The following HS2ST1 variants were observed in gnomAD, a reference collection of about 807,000 sequenced individuals.
HS2ST1 encodes the protein heparan sulfate 2-O-sulfotransferase 1.
Under a neutral mutation model 42.9 loss-of-function variants are expected in HS2ST1, and 18 were observed. The ratio of observed to expected loss-of-function variants is 0.42; its 90% CI spans 0.29 to 0.62. The LOEUF (loss-of-function observed/expected upper bound fraction) is 0.62. HS2ST1 is among the 20% of genes least tolerant of loss of function. The pLI is 0.21. For synonymous variants in HS2ST1, 146 were observed against 152.9 expected, an observed-to-expected ratio of 0.95 and a Z score of 0.33; for missense variants, 334 against 433.8, an observed-to-expected ratio of 0.77 and a Z score of 2.04.
chr1:87,105,113 C>A lies in HS2ST1; in HGVS notation c.*417C>A, dbSNP rs1339553290. ...TTCACTGAGGGTTTGGGTTATACAC[C>A]TCTACTGAATTGTGTTAATAACTGT... is the stretch of plus-strand genomic sequence containing the variant. On this transcript the variant is annotated 3_prime_UTR_variant, in exon 7 of 7. Transcript: ENST00000370550. 1.2e-5 allele frequency: 2 copies of A among 166,538 alleles called. No homozygotes were observed. The highest frequency in any genetic ancestry group is 2.6e-5 in the Non-Finnish European group (2 of 76,810). 10.3% of individuals were successfully genotyped at this position (166,538 alleles called of 1,614,324 possible).
At chr1:86,991,481 C>G (rs1305741793) in intron 1 of HS2ST1, among the ~76,000 whole-genome samples, 3 of 152,182 alleles carry the variant, frequency 2.0e-5, no homozygotes, top group Non-Finnish European at 4.4e-5. Context: ...TGTGATTGGC[C>G]AAGCCTTGTA....
chr1:86,933,915 C>T (rs934380286), intron 1 of HS2ST1, among the ~76,000 whole-genome samples: 12 of 152,132 alleles, frequency 7.9e-5, no homozygotes, highest in African/African-American at 2.9e-4. Flanking sequence ...CTAATAACTC[C>T]TTCATAAGTA....
Position 86,914,989 on chromosome 1 carries a change from C to T in HS2ST1, c.-48C>T. 1 of 1,611,164 alleles carries T rather than the reference C, an allele frequency of 6.2e-7. No homozygotes were observed. The highest frequency in any genetic ancestry group is 8.5e-7 in the Non-Finnish European group (1 of 1,179,372). On this transcript the variant is annotated 5_prime_UTR_variant, in exon 1 of 7. Transcript: ENST00000370550. ...CGGCGTCTCTCTCGCCTCCGGGGTC[C>T]CGCTCCCCGCCCCCCGCGGTATGTC...
At chr1:86,972,452 A>G (rs545840114) in intron 1 of HS2ST1, among the ~76,000 whole-genome samples, 2 of 152,284 alleles carry the variant, frequency 1.3e-5, no homozygotes, top group Non-Finnish European at 2.9e-5. Context: ...CTAGGGCTCA[A>G]GCCATCCTCC....
intron 1 of HS2ST1, among the ~76,000 whole-genome samples, chr1:87,021,355 A>G (rs7519975): frequency 0.74 from 111,936 of 152,096 alleles, 42,759 homozygotes; most frequent in East Asian, 0.97. Flanking sequence ...AGGCCCTACA[A>G]ACATTCCATG....
intron 1 of HS2ST1, among the ~76,000 whole-genome samples, chr1:86,987,006 C>T (rs1557505552): frequency 1.3e-5 from 2 of 151,966 alleles, no homozygotes; most frequent in African/African-American, 4.8e-5. Context: ...TGCTTTTTTC[C>T]CTCCCTGATT....
At chr1:86,922,722 G>A (rs1660326269) in intron 1 of HS2ST1, among the ~76,000 whole-genome samples, 1 of 151,966 alleles carries the variant, frequency 6.6e-6, no homozygotes, top group African/African-American at 2.4e-5. Flanking sequence ...ACTATATGTA[G>A]CGTGTCTTTT....
At chr1:87,034,161 T>C (rs1650313927) in intron 1 of HS2ST1, among the ~76,000 whole-genome samples, 1 of 152,188 alleles carries the variant, frequency 6.6e-6, no homozygotes, top group South Asian at 2.1e-4. Context: ...AAAAATAGAA[T>C]CAATGGTGAG....
At chr1:86,942,779 T>C (rs1570435988) in intron 1 of HS2ST1, among the ~76,000 whole-genome samples, 1 of 152,294 alleles carries the variant, frequency 6.6e-6, no homozygotes, top group East Asian at 1.9e-4. Flanking sequence ...AAAGTTAGTT[T>C]TATACTGTTT....
chr1:87,044,492 C>T (rs1459984156), intron 1 of HS2ST1, among the ~76,000 whole-genome samples: 1 of 152,114 alleles, frequency 6.6e-6, no homozygotes, highest in African/African-American at 2.4e-5. Context: ...CAATACATAG[C>T]ATTTGATACT....
At chr1:86,934,751 C>T (rs907720669) in intron 1 of HS2ST1, 2 of 152,012 alleles carry the variant, frequency 1.3e-5, no homozygotes, top group Admixed American at 1.3e-4. Context: ...CATGGTGAAA[C>T]ACTGTCTCTA....
At chr1:87,092,819 G>GA in intron 4 of HS2ST1, 150 bp downstream of exon 4, 2 of 414,538 alleles carry the variant, frequency 4.8e-6, no homozygotes, top group Non-Finnish European at 8.1e-6. Context: ...GAAGCAAAAT[G>GA]AAGAAAATTA....
chr1:86,914,944 C>T lies in HS2ST1; in HGVS notation c.-93C>T, dbSNP rs1660107345. ...CTGTCGCTCTCTCTTTGCCTCGCTCCCGGCTCGGCGGGCTCCTCCCGGCGT... is the reference window on the plus strand; with the variant it reads ...CTGTCGCTCTCTCTTTGCCTCGCTCTCGGCTCGGCGGGCTCCTCCCGGCGT... On this transcript the variant is annotated 5_prime_UTR_variant, in exon 1 of 7. Transcript: ENST00000370550. The T allele has an allele frequency of 1.3e-6, 2 of 1,529,234 alleles. No homozygotes were observed. Among genetic ancestry groups the T allele is most frequent in the Non-Finnish European group, 8.9e-7 (1 of 1,117,718 alleles). The allele number at this position is 1,529,234 out of a possible 1,614,324, so 94.7% of individuals were successfully genotyped here. A position where few individuals can be genotyped will look rare whatever the true frequency, so the allele number is the denominator to read the frequency against.
At chr1:86,986,515 A>G (rs1402652395) in intron 1 of HS2ST1, among the ~76,000 whole-genome samples, 11 of 152,228 alleles carry the variant, frequency 7.2e-5, no homozygotes, top group African/African-American at 2.4e-5. Flanking sequence ...GGAGAATTAA[A>G]ATAACAAATG....
chr1:87,062,011 A>G (rs916171374), intron 1 of HS2ST1, among the ~76,000 whole-genome samples: 6 of 150,848 alleles, frequency 4.0e-5, no homozygotes, highest in African/African-American at 1.5e-4. Context: ...TTTGATTTGC[A>G]TGTCCCAGTG....
intron 1 of HS2ST1, among the ~76,000 whole-genome samples, chr1:86,958,970 G>A (rs1326303420): frequency 1.3e-5 from 2 of 152,164 alleles, no homozygotes. Flanking sequence ...CACATCCACA[G>A]TCTAAATAAG....
At chr1:87,044,940 G>A (rs1650609651) in intron 1 of HS2ST1, 1 of 1,578,240 alleles carries the variant, frequency 6.3e-7, no homozygotes, top group African/African-American at 1.4e-5. Context: ...TCAATCTAAT[G>A]CTATGACATC....
At chr1:86,993,179 T>A in intron 1 of HS2ST1, 1 of 1,565,664 alleles carries the variant, frequency 6.4e-7, no homozygotes, top group Non-Finnish European at 8.7e-7. Flanking sequence ...TGACTTTCAT[T>A]TCAAAAGCTT....
At chr1:86,994,321 A>G (rs961918658) in intron 1 of HS2ST1, among the ~76,000 whole-genome samples, 8 of 152,172 alleles carry the variant, frequency 5.3e-5, no homozygotes, top group Non-Finnish European at 1.0e-4. Context: ...GCAGTTTTAT[A>G]CATTTTATTT....
Sources: allele counts gnomAD v4.1 joint callset (sites outside exome capture counted in the v4.1 genomes callset), GRCh38; gene constraint gnomAD v4.1.1; transcripts MANE v1.5; gene names NCBI Gene and HGNC (gene_info 2026-07-23, HGNC 2026-07-21).